CACNB2: variants seen among roughly 807,000 people sequenced by gnomAD.
CACNB2 encodes the protein voltage-dependent L-type calcium channel subunit beta-2.
In CACNB2, 42 loss-of-function variants were observed where a neutral mutation model predicts 73.3. The observed-to-expected ratio is 0.57, with a 90% CI of 0.45 to 0.74. The LOEUF (loss-of-function observed/expected upper bound fraction) is 0.74. CACNB2 is among the 30% of genes least tolerant of loss of function. The probability of loss-of-function intolerance (pLI) is 0.00; values close to 1 mark genes in which losing one functional copy is unlikely to be tolerated. For synonymous variants in CACNB2, 348 were observed against 310.3 expected, an observed-to-expected ratio of 1.12 and a Z score of -1.28; for missense variants, 940 against 853.0, an observed-to-expected ratio of 1.10 and a Z score of -1.27.
In CACNB2 at chr10:18,153,576, T is replaced by TTATTTATTTATA. The variant is rs1177642542; in HGVS notation, c.213+2612_213+2613insATATTTATTTAT. Among the ~76,000 whole-genome samples the TTATTTATTTATA allele has an allele frequency of 9.6e-3, 1,437 of 149,480 alleles. 23 individuals are homozygous for TTATTTATTTATA. Among genetic ancestry groups the TTATTTATTTATA allele is most frequent in the African/African-American group, 0.034 (1,375 of 40,690 alleles). ...CACTAGATTTTACTTATTTATTTATTTATTTATTTATTTATTTATTTTTGA... is the reference window on the plus strand; with the variant it reads ...CACTAGATTTTACTTATTTATTTATTTATTTATTTATATATTTATTTATTTATTTATTTTTGA... On this transcript the variant is annotated intron_variant, in intron 2 of 13. Coordinates refer to ENST00000324631, the MANE Select transcript of CACNB2 (RefSeq NM_201596.3).
At chr10:18,147,712 A>T (rs547265856) in intron 1 of CACNB2, among the ~76,000 whole-genome samples, 1 of 149,688 alleles carries the variant, frequency 6.7e-6, no homozygotes, top group East Asian at 1.9e-4. Context: ...AAACAATTAC[A>T]TATATTTTTT....
intron 2 of CACNB2, among the ~76,000 whole-genome samples, chr10:18,257,919 T>C (rs1564382052): frequency 6.6e-6 from 1 of 152,178 alleles, no homozygotes; most frequent in Admixed American, 6.5e-5. Flanking sequence ...GATTTTTGTA[T>C]TTTTAGTAGA....
intron 4 of CACNB2, among the ~76,000 whole-genome samples, chr10:18,500,528 A>G (rs2050136261): frequency 6.6e-6 from 1 of 152,098 alleles, no homozygotes; most frequent in Non-Finnish European, 1.5e-5. Context: ...GAACCCAGAG[A>G]GCTTATCCCT....
At chr10:18,276,963 A>C (rs900389061) in intron 2 of CACNB2, among the ~76,000 whole-genome samples, 1 of 152,184 alleles carries the variant, frequency 6.6e-6, no homozygotes, top group Admixed American at 6.5e-5. Flanking sequence ...AAAATTAAAA[A>C]ATTATTAGCC....
At chr10:18,451,065 C>A (rs771100172) in intron 3 of CACNB2, among the ~76,000 whole-genome samples, 1 of 152,130 alleles carries the variant, frequency 6.6e-6, no homozygotes, top group Admixed American at 6.5e-5. Context: ...CCTATACATG[C>A]GATAAAAATC....
chr10:18,237,736 C>G (rs2036501781), intron 2 of CACNB2, among the ~76,000 whole-genome samples: 1 of 152,168 alleles, frequency 6.6e-6, no homozygotes, highest in African/African-American at 2.4e-5. Flanking sequence ...TAGAGAAGGA[C>G]AAGAGCTGTT....
intron 2 of CACNB2, chr10:18,206,341 C>A (rs1211231289): frequency 2.0e-5 from 3 of 152,416 alleles, no homozygotes; most frequent in African/African-American, 7.2e-5. Context: ...TCCTTTGTCT[C>A]CTGAAGGCAG....
At chr10:18,415,738 G>A (rs572784024) in intron 3 of CACNB2, among the ~76,000 whole-genome samples, 3 of 152,088 alleles carry the variant, frequency 2.0e-5, no homozygotes, top group African/African-American at 7.2e-5. Context: ...ATCTCAATTC[G>A]CAATTTACTT....
At position 18,275,766 on chromosome 10, in the gene CACNB2, G is replaced by T. The variant is rs1054305799; in HGVS notation, c.213+124791G>T. On this transcript the variant is annotated intron_variant, in intron 2 of 13. Transcript: ENST00000324631. ...AAAAATTTATTCTTGTTAAATAATG[G>T]CTCTGTGTTTTGTAAACTGCATAGA... 2.0e-5 allele frequency among the ~76,000 whole-genome samples: 3 copies of T among 151,956 alleles called. No individual in the cohort carries two copies. In the East Asian group the frequency reaches 5.8e-4, roughly 29 times the overall value.
chr10:18,246,865 A>G (rs955760959), intron 2 of CACNB2, among the ~76,000 whole-genome samples: 1 of 151,822 alleles, frequency 6.6e-6, no homozygotes, highest in Non-Finnish European at 1.5e-5. Context: ...TTCAACTTTG[A>G]CCTCACTGAG....
At chr10:18,332,463 G>A (rs1004740148) in intron 2 of CACNB2, among the ~76,000 whole-genome samples, 2 of 152,180 alleles carry the variant, frequency 1.3e-5, no homozygotes, top group South Asian at 4.1e-4. Context: ...CATCAAATTG[G>A]CGTTAAATGC....
intron 3 of CACNB2, among the ~76,000 whole-genome samples, chr10:18,460,409 A>G (rs2047507427): frequency 6.6e-6 from 1 of 152,110 alleles, no homozygotes; most frequent in Non-Finnish European, 1.5e-5. Flanking sequence ...TTATACACAC[A>G]GCTCTGATAG....
intron 2 of CACNB2, among the ~76,000 whole-genome samples, chr10:18,250,323 C>A (rs887042403): frequency 6.6e-6 from 1 of 152,214 alleles, no homozygotes; most frequent in African/African-American, 2.4e-5. Context: ...CTTTGTGAAC[C>A]TATATGATCT....
chr10:18,205,163 A>C lies in CACNB2; in HGVS notation c.213+54188A>C, dbSNP rs1306716081. Among the ~76,000 whole-genome samples the C allele has an allele frequency of 2.0e-5, 3 of 152,152 alleles. No homozygotes were observed. The East Asian group carries it at 5.8e-4, about 29-fold the overall frequency. Reference sequence around the variant, plus strand: ...CCTTTCAACATATGTTATTAACATGACAGTTATCTGTCCAGTGGTTAGAAG... The same window carrying C: ...CCTTTCAACATATGTTATTAACATGCCAGTTATCTGTCCAGTGGTTAGAAG... On this transcript the variant is annotated intron_variant, in intron 2 of 13. Coordinates refer to ENST00000324631, the MANE Select transcript of CACNB2 (RefSeq NM_201596.3).
intron 3 of CACNB2, among the ~76,000 whole-genome samples, chr10:18,409,302 G>GAA (rs11386791): frequency 0.018 from 2,428 of 137,862 alleles, 83 homozygotes; most frequent in South Asian, 0.13. Flanking sequence ...CTGTCTCCAG[G>GAA]AAAAAAAAAA....
intron 2 of CACNB2, among the ~76,000 whole-genome samples, chr10:18,170,125 C>T (rs2033127388): frequency 6.6e-6 from 1 of 152,156 alleles, no homozygotes; most frequent in African/African-American, 2.4e-5. Flanking sequence ...GATCTGTGAC[C>T]CACTGATGGG....
intron 2 of CACNB2, among the ~76,000 whole-genome samples, chr10:18,231,510 T>C (rs1175634936): frequency 6.6e-6 from 1 of 152,180 alleles, no homozygotes; most frequent in Admixed American, 6.5e-5. Context: ...GTGTATCTCT[T>C]TATGTATTTG....
At chr10:18,359,956 A>G (rs1358784031) in intron 2 of CACNB2, among the ~76,000 whole-genome samples, 1 of 152,168 alleles carries the variant, frequency 6.6e-6, no homozygotes, top group Non-Finnish European at 1.5e-5. Context: ...AGGAAATTAA[A>G]CTATTCTATA....
At chr10:18,169,198 T>TA (rs1554764220) in intron 2 of CACNB2, among the ~76,000 whole-genome samples, 27,245 of 151,628 alleles carry the variant, frequency 0.18, 3,255 homozygotes, top group African/African-American at 0.34. Flanking sequence ...TATATATTTT[T>TA]AAAAAAAATA....
Sources: allele counts gnomAD v4.1 joint callset (sites outside exome capture counted in the v4.1 genomes callset), GRCh38; gene constraint gnomAD v4.1.1; transcripts MANE v1.5; gene names NCBI Gene and HGNC (gene_info 2026-07-23, HGNC 2026-07-21).